The following TTC34 variants were observed in gnomAD, a reference collection of about 807,000 sequenced individuals.
The protein encoded by TTC34 is tetratricopeptide repeat protein 34.
Under a neutral mutation model 40.7 loss-of-function variants are expected in TTC34, and 44 were observed. The observed-to-expected ratio is 1.08, with a 90% CI of 0.85 to 1.39. TTC34 has a LOEUF of 1.39. Ranked by LOEUF, TTC34 falls within the 40% of genes most tolerant of loss-of-function variation. The pLI is 0.00. For missense variants in TTC34, 884 were observed against 838.0 expected, an observed-to-expected ratio of 1.05 and a Z score of -0.68; for synonymous variants, 422 against 398.6, an observed-to-expected ratio of 1.06 and a Z score of -0.70.
exon 3 of TTC34, chr1:2,789,967 C>A: frequency 2.6e-6 from 1 of 391,910 alleles, no homozygotes; most frequent in Non-Finnish European, 4.5e-6. Flanking sequence ...CCCGGGCGCC[C>A]GCCGCGTCCC....
At chr1:2,773,115 A>T (rs1240532869) in intron 6 of TTC34, among the ~76,000 whole-genome samples, 1 of 149,154 alleles carries the variant, frequency 6.7e-6, no homozygotes, top group Non-Finnish European at 1.5e-5. Flanking sequence ...CGAGCATCTG[A>T]CAGCCTGGAG....
chr1:2,699,970 C>A (rs1370638197), intron 6 of TTC34, among the ~76,000 whole-genome samples: 1 of 96,806 alleles, frequency 1.0e-5, no homozygotes, highest in African/African-American at 3.1e-5. Context: ...GAAATGCTCA[C>A]ACCCCAAGGT....
At chr1:2,765,720 A>G (rs1641768321) in intron 6 of TTC34, among the ~76,000 whole-genome samples, 2 of 48,682 alleles carry the variant, frequency 4.1e-5, no homozygotes, top group Non-Finnish European at 3.3e-5. Context: ...GCACACCCCC[A>G]GGCGAGCATC....
chr1:2,642,554 G>A (rs1374684666), intron 8 of TTC34, among the ~76,000 whole-genome samples: 1 of 152,138 alleles, frequency 6.6e-6, no homozygotes, highest in Non-Finnish European at 1.5e-5. Context: ...AGGCCCAATC[G>A]CCTCATCTCT....
intron 6 of TTC34, among the ~76,000 whole-genome samples, chr1:2,654,013 C>G (rs1450082051): frequency 1.1e-3 from 169 of 148,266 alleles, no homozygotes; most frequent in Admixed American, 1.9e-3. Context: ...CCCACACCCC[C>G]AGGCGAGCAT....
chr1:2,688,310 C>A (rs534508116), intron 6 of TTC34, among the ~76,000 whole-genome samples: 3 of 83,270 alleles, frequency 3.6e-5, no homozygotes, highest in African/African-American at 7.1e-5. Flanking sequence ...CATCTGACAG[C>A]CTGGAGCAGA....
intron 6 of TTC34, among the ~76,000 whole-genome samples, chr1:2,773,058 C>A (rs1569844116): frequency 1.4e-5 from 2 of 147,368 alleles, no homozygotes; most frequent in Non-Finnish European, 3.1e-5. Flanking sequence ...GCACGCACAC[C>A]CCCAGGTGAG....
intron 6 of TTC34, among the ~76,000 whole-genome samples, chr1:2,675,376 C>T: frequency 8.7e-6 from 1 of 115,084 alleles, no homozygotes; most frequent in South Asian, 2.6e-4. Context: ...AGGTGAGCCT[C>T]TGACAGCCTG....
chr1:2,684,460 T>A (rs1410921820), intron 6 of TTC34, among the ~76,000 whole-genome samples: 1 of 144,026 alleles, frequency 6.9e-6, no homozygotes, highest in Non-Finnish European at 1.5e-5. Flanking sequence ...TCTGACGGCC[T>A]GCAACAGCAC....
intron 6 of TTC34, among the ~76,000 whole-genome samples, chr1:2,685,943 G>A (rs61763545): frequency 3.9e-5 from 4 of 103,716 alleles, no homozygotes; most frequent in East Asian, 2.9e-4. Flanking sequence ...TGTGACAGCC[G>A]GGAACAGCAC....
At chr1:2,642,140 A>C (rs1557578039) in intron 8 of TTC34, among the ~76,000 whole-genome samples, 1 of 152,168 alleles carries the variant, frequency 6.6e-6, no homozygotes, top group African/African-American at 2.4e-5. Flanking sequence ...GGAACCTGCC[A>C]AAGTGCTGTT....
At chr1:2,778,983 C>T (rs1643424725) in intron 6 of TTC34, among the ~76,000 whole-genome samples, 2 of 152,200 alleles carry the variant, frequency 1.3e-5, no homozygotes, top group African/African-American at 4.8e-5. Flanking sequence ...GATTCGATGA[C>T]TCTAGGGACT....
chr1:2,700,220 T>G (rs1414130581), intron 6 of TTC34, among the ~76,000 whole-genome samples: 2 of 75,072 alleles, frequency 2.7e-5, no homozygotes, highest in Non-Finnish European at 6.1e-5. Context: ...CCCCCCAGGG[T>G]GAGCATCTGA....
intron 6 of TTC34, among the ~76,000 whole-genome samples, chr1:2,653,851 C>T (rs1312189654): frequency 6.7e-6 from 1 of 150,042 alleles, no homozygotes. Flanking sequence ...CACCCACAGC[C>T]CAAGGTGAGC....
At chr1:2,675,140 A>C (rs1251539568) in intron 6 of TTC34, among the ~76,000 whole-genome samples, 4 of 3,560 alleles carry the variant, frequency 1.1e-3, no homozygotes, top group Non-Finnish European at 3.0e-3. Context: ...AGAATCTGAC[A>C]GCCCGTAGCA....
intron 6 of TTC34, among the ~76,000 whole-genome samples, chr1:2,691,566 T>A (rs1640619018): frequency 7.5e-6 from 1 of 132,744 alleles, no homozygotes; most frequent in African/African-American, 2.7e-5. Context: ...TCTGACAGAC[T>A]GGAACAGCAC....
At chr1:2,643,008 G>C (rs1434440906) in intron 8 of TTC34, among the ~76,000 whole-genome samples, 1 of 152,216 alleles carries the variant, frequency 6.6e-6, no homozygotes, top group Non-Finnish European at 1.5e-5. Flanking sequence ...ACCCCGACCC[G>C]TAGTTCACGG....
intron 6 of TTC34, among the ~76,000 whole-genome samples, chr1:2,769,986 C>CCA: frequency 1.7e-5 from 1 of 57,320 alleles, no homozygotes; most frequent in Non-Finnish European, 3.4e-5. Context: ...GGAACAGCAT[C>CCA]TACAGCCCCA....
At chr1:2,795,086 CAA>C (rs35945824) in intron 2 of TTC34, among the ~76,000 whole-genome samples, 5,483 of 134,220 alleles carry the variant, frequency 0.041, 146 homozygotes, top group African/African-American at 0.088. Context: ...CCCATCTCTA[CAA>C]AAAAAAAAAA....
Sources: gnomAD v4.1 joint callset for allele counts (sites outside exome capture counted in the v4.1 genomes callset) on GRCh38, gnomAD v4.1.1 for gene constraint, MANE v1.5 for transcripts, NCBI Gene and HGNC (gene_info 2026-07-23, HGNC 2026-07-21) for gene names.